ZC3H12B: variants seen among roughly 807,000 people sequenced by gnomAD.
The protein encoded by ZC3H12B is probable ribonuclease ZC3H12B.
Under a neutral mutation model 43.9 loss-of-function variants are expected in ZC3H12B, and 7 were observed. The observed-to-expected ratio is 0.16, with a 90% CI of 0.09 to 0.30. ZC3H12B has a LOEUF of 0.30. Ranked by LOEUF, ZC3H12B falls within the 10% of genes least tolerant of loss-of-function variation. ZC3H12B has a pLI of 1.00. For missense variants in ZC3H12B, 475 were observed against 670.2 expected (o/e 0.71, Z 3.22); for synonymous variants, 222 against 241.7 (o/e 0.92, Z 0.76).
chrX:65,121,788 G>A, the ZC3H12B span, among the ~76,000 whole-genome samples: 573 of 109,575 alleles, frequency 5.2e-3, 6 homozygotes, highest in African/African-American at 0.018. Context: ...TGGGCATTTA[G>A]TATTTCCCTC....
the ZC3H12B span, among the ~76,000 whole-genome samples, chrX:65,134,823 G>A: frequency 1.8e-5 from 2 of 111,503 alleles, no homozygotes; most frequent in African/African-American, 6.5e-5. Flanking sequence ...TCAGCAAAGG[G>A]AGTTAGGGGT....
Position 65,448,983 on chromosome X carries a change from A to AAGAAAGAAAGAAAGAAAG in ZC3H12B, n.408-39652_408-39651insAAGAAAGAGAAAGAAAGA, listed in dbSNP as rs1402616904. Among the ~76,000 whole-genome samples, 245 of 95,244 alleles carry AAGAAAGAAAGAAAGAAAG rather than the reference A, an allele frequency of 2.6e-3. 7 individuals are homozygous for AAGAAAGAAAGAAAGAAAG. Among genetic ancestry groups the AAGAAAGAAAGAAAGAAAG allele is most frequent in the African/African-American group, 0.012 (234 of 19,698 alleles). The allele number at this position is 95,244 out of a possible 115,157, so 82.7% of individuals were successfully genotyped here. A position where few individuals can be genotyped will look rare whatever the true frequency, so the allele number is the denominator to read the frequency against. On this transcript the variant is annotated intron_variant and non_coding_transcript_variant, in intron 3 of 5. Transcript: ENST00000617377. ...AGAAAGAAAGAAAGAAAGAAAGAGA[A>AAGAAAGAAAGAAAGAAAG]AGAAAGAAAGAGAGGAAAGAAAGAA...
chrX:65,194,621 G>C, the ZC3H12B span, among the ~76,000 whole-genome samples: 2 of 111,848 alleles, frequency 1.8e-5, no homozygotes, highest in African/African-American at 6.5e-5. Context: ...AATTATCCAT[G>C]TGCTGAGGAC....
intron 2 of ZC3H12B, among the ~76,000 whole-genome samples, chrX:65,373,974 T>TA (rs1262953738): frequency 1.0e-4 from 5 of 48,337 alleles, no homozygotes; most frequent in Non-Finnish European, 1.4e-4. Context: ...ATATATAGTA[T>TA]ATATATATAC....
chrX:65,417,645 T>C (rs1192698144), intron 3 of ZC3H12B, among the ~76,000 whole-genome samples: 3 of 112,771 alleles, frequency 2.7e-5, no homozygotes, highest in African/African-American at 6.4e-5. Context: ...CTGGAGCTAA[T>C]TGATTTCTGG....
chrX:65,157,655 C>T, the ZC3H12B span, among the ~76,000 whole-genome samples: 1 of 111,427 alleles, frequency 9.0e-6, no homozygotes, highest in Admixed American at 9.6e-5. Context: ...AACAAACTGT[C>T]TTTTACCTGG....
rs1028986359 is a variant in ZC3H12B, at chrX:65,380,217, G to A, written n.295+11219G>A. On this transcript the variant is annotated intron_variant and non_coding_transcript_variant, in intron 2 of 5. Transcript: ENST00000617377. ...AAGGGCAGCCAGAGAGAAAGGTAGG[G>A]TTATCCTCAAAGGGAAGCCCATCAG... is the stretch of plus-strand genomic sequence containing the variant. Among the ~76,000 whole-genome samples, 13 of 111,808 alleles carry A rather than the reference G, an allele frequency of 1.2e-4. No individual in the cohort carries two copies. The South Asian group carries it at 3.0e-3, about 26-fold the overall frequency.
chrX:65,385,890 T>C (rs1209449802), intron 2 of ZC3H12B, among the ~76,000 whole-genome samples: 15 of 112,135 alleles, frequency 1.3e-4, no homozygotes, highest in African/African-American at 1.9e-4. Flanking sequence ...TTTTCTGCAT[T>C]TATTGAGATA....
the ZC3H12B span, among the ~76,000 whole-genome samples, chrX:65,232,309 T>C: frequency 9.0e-6 from 1 of 111,306 alleles, no homozygotes; most frequent in East Asian, 2.8e-4. Context: ...TTCTGGGAAC[T>C]AATAAATGGC....
intron 3 of ZC3H12B, among the ~76,000 whole-genome samples, chrX:65,459,315 C>T (rs1328639888): frequency 1.8e-5 from 2 of 111,890 alleles, no homozygotes; most frequent in Admixed American, 9.5e-5. Context: ...TGGAACTACT[C>T]CAATCAATAG....
intron 2 of ZC3H12B, among the ~76,000 whole-genome samples, chrX:65,373,315 T>C (rs995379327): frequency 3.3e-4 from 37 of 112,014 alleles, no homozygotes; most frequent in African/African-American, 1.2e-3. Flanking sequence ...AGTTCAACCA[T>C]TGTGGAAGAC....
chrX:65,085,822 A>T, the ZC3H12B span, among the ~76,000 whole-genome samples: 9 of 111,590 alleles, frequency 8.1e-5, no homozygotes, highest in Non-Finnish European at 1.5e-4. Flanking sequence ...TACGTTGGAC[A>T]TGTAGTACAA....
At position 65,502,661 on chromosome X, in the gene ZC3H12B, T is replaced by C. The variant is rs773443238; in HGVS notation, c.1963T>C (p.Ser655Pro). The C allele has an allele frequency of 9.1e-6, 11 of 1,206,745 alleles. No homozygotes were observed. In the East Asian group the frequency reaches 2.4e-4, roughly 26 times the overall value. The change falls in exon 5 of 5, where the codon TCA (serine) becomes CCA (proline). Residue 655 changes from serine to proline, a missense_variant. By Grantham distance (74) the Ser-to-Pro change is moderately conservative (BLOSUM62 -1). Coordinates refer to ENST00000338957, the Ensembl canonical transcript of ZC3H12B. ...TTCTAAGCAAGGCCCCCACAAACAG[T>C]CAGTCCCCCACTTAGCTCTGCATGC...
At chrX:65,121,759 T>A in the ZC3H12B span, among the ~76,000 whole-genome samples, 1 of 111,811 alleles carries the variant, frequency 8.9e-6, no homozygotes, top group Non-Finnish European at 1.9e-5. Context: ...CAATTTTAGA[T>A]CTTTTCTGCT....
chrX:65,179,399 A>T, the ZC3H12B span, among the ~76,000 whole-genome samples: 1 of 93,803 alleles, frequency 1.1e-5, no homozygotes, highest in Non-Finnish European at 1.9e-5. Flanking sequence ...CATAACTTAA[A>T]GTTATTTAAA....
the ZC3H12B span, among the ~76,000 whole-genome samples, chrX:65,342,080 C>G: frequency 9.0e-6 from 1 of 110,861 alleles, no homozygotes; most frequent in Non-Finnish European, 1.9e-5. Context: ...ATCTACCAAG[C>G]AAATGAAAGG....
the ZC3H12B span, among the ~76,000 whole-genome samples, chrX:65,342,853 A>T: frequency 9.1e-6 from 1 of 109,487 alleles, no homozygotes; most frequent in Non-Finnish European, 1.9e-5. Flanking sequence ...AAAAAAAAAA[A>T]TTCAAAAGAT....
intron 2 of ZC3H12B, among the ~76,000 whole-genome samples, chrX:65,377,693 G>C (rs2066365936): frequency 9.0e-6 from 1 of 111,370 alleles, no homozygotes; most frequent in Non-Finnish European, 1.9e-5. Context: ...AAGAAATAAA[G>C]ATTTTCCCAG....
the ZC3H12B span, among the ~76,000 whole-genome samples, chrX:65,129,155 A>G: frequency 1.8e-5 from 2 of 108,178 alleles, no homozygotes; most frequent in Non-Finnish European, 3.8e-5. Flanking sequence ...GTACTTGAAC[A>G]TTTTTTAGAG....
Sources: allele counts gnomAD v4.1 joint callset (sites outside exome capture counted in the v4.1 genomes callset), GRCh38; gene constraint gnomAD v4.1.1; transcripts MANE v1.5; gene names NCBI Gene and HGNC (gene_info 2026-07-23, HGNC 2026-07-21).